RFX7: variants seen among roughly 807,000 people sequenced by gnomAD.
The protein encoded by RFX7 is regulatory factor X7, also known as DNA-binding protein RFX7.
Under a neutral mutation model 111.8 loss-of-function variants are expected in RFX7, and 26 were observed. That is an observed-to-expected ratio of 0.23 (90% confidence interval 0.17 to 0.32). The LOEUF (loss-of-function observed/expected upper bound fraction) is 0.32, where lower values mean the gene tolerates loss of function less well. Ranked by LOEUF, RFX7 falls within the 10% of genes least tolerant of loss-of-function variation. The probability of loss-of-function intolerance (pLI) is 1.00; values close to 1 mark genes in which losing one functional copy is unlikely to be tolerated. For missense variants in RFX7, 1,573 were observed against 1,772.9 expected (o/e 0.89, Z 2.02); for synonymous variants, 624 against 624.4 (o/e 1.00, Z 0.01).
In RFX7 at chr15:56,219,098, T is replaced by A. The variant is rs539974570; in HGVS notation, c.161+24027A>T. On this transcript the variant is annotated intron_variant, in intron 2 of 9. Coordinates refer to ENST00000559447, the MANE Select transcript of RFX7 (RefSeq NM_022841.7). ...TAATTTCTTAATTAATTGACAAGACTACAAAATTAACTTTTACTTCTCCCT... is the reference window on the plus strand; with the variant it reads ...TAATTTCTTAATTAATTGACAAGACAACAAAATTAACTTTTACTTCTCCCT... Among the ~76,000 whole-genome samples, 13 of 152,346 alleles carry A rather than the reference T, an allele frequency of 8.5e-5. No homozygotes were observed. In the South Asian group the frequency reaches 2.7e-3, roughly 32 times the overall value.
intron 2 of RFX7, among the ~76,000 whole-genome samples, chr15:56,230,911 A>G (rs994896381): frequency 6.6e-5 from 10 of 152,234 alleles, no homozygotes; most frequent in Admixed American, 1.3e-4. Context: ...TGGCTAACAC[A>G]GTGTAACCCC....
At chr15:56,197,122 A>C (rs2043152737) in intron 2 of RFX7, among the ~76,000 whole-genome samples, 1 of 152,134 alleles carries the variant, frequency 6.6e-6, no homozygotes, top group Non-Finnish European at 1.5e-5. Flanking sequence ...ATTTTTTTTA[A>C]TCAGTGATGT....
At chr15:56,182,683 A>AT (rs1215429927) in intron 2 of RFX7, among the ~76,000 whole-genome samples, 1 of 152,174 alleles carries the variant, frequency 6.6e-6, no homozygotes, top group African/African-American at 2.4e-5. Context: ...AAATTCATTC[A>AT]TTTTAACTAC....
At chr15:56,214,405 T>C (rs538553115) in intron 2 of RFX7, among the ~76,000 whole-genome samples, 1 of 152,300 alleles carries the variant, frequency 6.6e-6, no homozygotes, top group East Asian at 1.9e-4. Context: ...TGAAAATCTT[T>C]CAATAAGGTT....
At chr15:56,223,814 T>C (rs1169372528) in intron 2 of RFX7, among the ~76,000 whole-genome samples, 4 of 152,090 alleles carry the variant, frequency 2.6e-5, no homozygotes, top group East Asian at 3.8e-4. Context: ...TTTTGTTTTT[T>C]CCCCCATTTA....
chr15:56,220,225 TATTTC>T (rs1261506895), intron 2 of RFX7, among the ~76,000 whole-genome samples: 17 of 152,196 alleles, frequency 1.1e-4, no homozygotes, highest in African/African-American at 3.4e-4. Flanking sequence ...GTTTTTATTT[TATTTC>T]ATTTTATTTA....
intron 3 of RFX7, among the ~76,000 whole-genome samples, chr15:56,156,469 G>A (rs896763443): frequency 1.3e-5 from 2 of 151,966 alleles, no homozygotes; most frequent in African/African-American, 2.4e-5. Flanking sequence ...GTTTGTTCAT[G>A]TCTCTACTGA....
At chr15:56,111,359 T>G (rs1468629791) in intron 5 of RFX7, among the ~76,000 whole-genome samples, 16 of 152,012 alleles carry the variant, frequency 1.1e-4, no homozygotes, top group African/African-American at 3.9e-4. Context: ...CCCAACCCGG[T>G]GCTCTCTGAA....
At chr15:56,100,420 A>C (rs1414206619) in intron 8 of RFX7, among the ~76,000 whole-genome samples, 1 of 152,216 alleles carries the variant, frequency 6.6e-6, no homozygotes, top group African/African-American at 2.4e-5. Context: ...GAGAGGTTAC[A>C]CACACATACA....
chr15:56,171,883 T>C (rs1053642869), intron 3 of RFX7, among the ~76,000 whole-genome samples: 2 of 152,126 alleles, frequency 1.3e-5, no homozygotes, highest in Admixed American at 6.5e-5. Context: ...TGGGGACATA[T>C]AATTAGGAGT....
At chr15:56,194,840 C>A (rs894830794) in intron 2 of RFX7, among the ~76,000 whole-genome samples, 4 of 152,046 alleles carry the variant, frequency 2.6e-5, no homozygotes, top group African/African-American at 9.7e-5. Context: ...TATGGCTGCT[C>A]TTGAAAAACT....
intron 8 of RFX7, among the ~76,000 whole-genome samples, chr15:56,100,028 G>A (rs1206578075): frequency 1.3e-5 from 2 of 152,194 alleles, no homozygotes; most frequent in African/African-American, 4.8e-5. Context: ...GCAGGAGAAA[G>A]ACAGCAGAGC....
rs1409701404 is a variant in RFX7 at position 56,091,634 on chromosome 15, A to G, written c.*1711T>C. ...TTGGGTATTGCATACTTTGGTGTGC[A>G]GTAGTGCTGTGTCTCAATGTACAGT... On this transcript the variant is annotated 3_prime_UTR_variant, in exon 10 of 10. Coordinates refer to ENST00000559447, the MANE Select transcript of RFX7 (RefSeq NM_022841.7). 6.6e-6 allele frequency: 1 copy of G among 152,364 alleles called. No homozygotes were observed. Among genetic ancestry groups the G allele is most frequent in the Non-Finnish European group, 1.5e-5 (1 of 67,970 alleles). 9.4% of individuals were successfully genotyped at this position (152,364 alleles called of 1,614,324 possible).
intron 2 of RFX7, among the ~76,000 whole-genome samples, chr15:56,202,688 T>A (rs914424681): frequency 2.0e-5 from 3 of 152,186 alleles, no homozygotes; most frequent in Non-Finnish European, 4.4e-5. Context: ...GATGTGTGCT[T>A]ATAGATCCAG....
chr15:56,167,167 G>T (rs554458699), intron 3 of RFX7, among the ~76,000 whole-genome samples: 2 of 151,886 alleles, frequency 1.3e-5, no homozygotes, highest in East Asian at 3.9e-4. Flanking sequence ...TTTTTGCCGG[G>T]TTTGGTGGTG....
chr15:56,094,297 GC>G lies in RFX7; in HGVS notation c.3430del (p.Ala1144GlnfsTer24). 1 of 1,613,970 alleles carries G rather than the reference GC, an allele frequency of 6.2e-7. No homozygotes were observed. Among genetic ancestry groups the G allele is most frequent in the Non-Finnish European group, 8.5e-7 (1 of 1,179,874 alleles). ...TTTATTATCAAGAGGGGCAGGGACT[GC>G]AAAACCCTCCTGTTTGTTGGTGTTA... ...VNNTNKQEGFAVPAPLDNKGT... is the reference protein window; with the variant it reads ...VNNTNKQEGFXVPAPLDNKGT... On this transcript the variant is annotated frameshift_variant, in exon 10 of 10. Transcript: ENST00000559447. LOFTEE classifies it high-confidence loss of function.
At chr15:56,168,985 T>C (rs1335138148) in intron 3 of RFX7, among the ~76,000 whole-genome samples, 1 of 152,242 alleles carries the variant, frequency 6.6e-6, no homozygotes, top group African/African-American at 2.4e-5. Flanking sequence ...AAATTCTTAC[T>C]ACTTTAAGCC....
At chr15:56,098,021 T>A in intron 9 of RFX7, 60 bp downstream of exon 9, 1 of 1,510,878 alleles carries the variant, frequency 6.6e-7, no homozygotes. Flanking sequence ...CTGCCACTTT[T>A]AAGTAAACAG....
chr15:56,209,384 G>A (rs1226111954), intron 2 of RFX7, among the ~76,000 whole-genome samples: 1 of 151,946 alleles, frequency 6.6e-6, no homozygotes, highest in Non-Finnish European at 1.5e-5. Flanking sequence ...AAAATCGAGG[G>A]AATTTGTTGC....
Sources: allele counts gnomAD v4.1 joint callset (sites outside exome capture counted in the v4.1 genomes callset), GRCh38; gene constraint gnomAD v4.1.1; transcripts MANE v1.5; gene names NCBI Gene and HGNC (gene_info 2026-07-23, HGNC 2026-07-21).